The following PCTP variants were observed in gnomAD, a reference collection of about 807,000 sequenced individuals.
PCTP encodes START domain-containing protein 2.
In PCTP, 27 loss-of-function variants were observed where a neutral mutation model predicts 31.0. That is an observed-to-expected ratio of 0.87 (90% CI 0.64 to 1.20). The LOEUF is 1.20. PCTP is among the 50% of genes most tolerant of loss of function. PCTP has a pLI of 0.00. For missense variants in PCTP, 287 were observed against 268.2 expected (o/e 1.07, Z -0.49); for synonymous variants, 108 against 101.2 (o/e 1.07, Z -0.40).
downstream of PCTP, among the ~76,000 whole-genome samples, chr17:55,780,054 C>CT (rs1292638818): frequency 6.7e-6 from 1 of 150,014 alleles, no homozygotes; most frequent in African/African-American, 2.5e-5. Flanking sequence ...CCCCAAGTTC[C>CT]TTTTTTTTAT....
chr17:55,769,198 A>T (rs1910848895), intron 2 of PCTP: 1 of 152,250 alleles, frequency 6.6e-6, no homozygotes, highest in Non-Finnish European at 1.5e-5. Flanking sequence ...AGGAAGGAGA[A>T]TTCTACTTTT....
At chr17:55,797,054 C>G (rs992113929) in intron 3 of PCTP, among the ~76,000 whole-genome samples, 1 of 151,792 alleles carries the variant, frequency 6.6e-6, no homozygotes, top group Non-Finnish European at 1.5e-5. Flanking sequence ...AAAGGAAGAT[C>G]CATGCAGATG....
At chr17:55,806,176 A>G (rs1912575370) in intron 3 of PCTP, among the ~76,000 whole-genome samples, 1 of 152,178 alleles carries the variant, frequency 6.6e-6, no homozygotes, top group South Asian at 2.1e-4. Context: ...AAAAACAGAA[A>G]GAGAGGGGAT....
chr17:55,788,302 C>T (rs1056421170), intron 3 of PCTP, among the ~76,000 whole-genome samples: 2 of 152,182 alleles, frequency 1.3e-5, no homozygotes, highest in African/African-American at 2.4e-5. Context: ...CTTTAACAAA[C>T]TGACAAGCCT....
intron 3 of PCTP, among the ~76,000 whole-genome samples, chr17:55,807,705 G>A (rs947546366): frequency 7.9e-5 from 12 of 152,086 alleles, no homozygotes; most frequent in Admixed American, 3.3e-4. Context: ...TCTGAAGATT[G>A]GTGAAATATG....
chr17:55,794,381 G>A (rs958850693), intron 3 of PCTP, among the ~76,000 whole-genome samples: 1 of 151,520 alleles, frequency 6.6e-6, no homozygotes, highest in Admixed American at 6.6e-5. Context: ...ATTTTTAGCT[G>A]CTACATTTCA....
intron 5 of PCTP, among the ~76,000 whole-genome samples, chr17:55,829,339 C>A (rs1905518164): frequency 6.6e-6 from 1 of 152,066 alleles, no homozygotes; most frequent in Non-Finnish European, 1.5e-5. Context: ...GAGGTGGAGC[C>A]TTGCTCTGTC....
At chr17:55,800,275 T>G (rs1471511663) in intron 3 of PCTP, among the ~76,000 whole-genome samples, 1 of 152,038 alleles carries the variant, frequency 6.6e-6, no homozygotes, top group African/African-American at 2.4e-5. Context: ...TTTGTTCCTT[T>G]TCATTCTTTT....
intron 3 of PCTP, among the ~76,000 whole-genome samples, chr17:55,796,700 G>C (rs1255332820): frequency 6.6e-6 from 1 of 151,934 alleles, no homozygotes; most frequent in African/African-American, 2.4e-5. Context: ...CATATGACTT[G>C]ATGAATTATG....
intron 3 of PCTP, among the ~76,000 whole-genome samples, chr17:55,806,817 A>G (rs1238603058): frequency 6.6e-6 from 1 of 152,126 alleles, no homozygotes; most frequent in African/African-American, 2.4e-5. Flanking sequence ...CATATATATT[A>G]CAGAACAGGA....
At chr17:55,761,635 A>G (rs1863612) in intron 1 of PCTP, among the ~76,000 whole-genome samples, 92,752 of 147,858 alleles carry the variant, frequency 0.63, 34,690 homozygotes, top group East Asian at 0.87. Context: ...ATATATATTT[A>G]TATATATTTT....
chr17:55,813,210 C>T (rs1321170780), intron 3 of PCTP, among the ~76,000 whole-genome samples: 1 of 152,162 alleles, frequency 6.6e-6, no homozygotes, highest in African/African-American at 2.4e-5. Flanking sequence ...TTTTCCTTTC[C>T]TCTCTTATTT....
intron 1 of PCTP, among the ~76,000 whole-genome samples, chr17:55,754,579 G>A (rs1393858866): frequency 6.6e-6 from 1 of 152,164 alleles, no homozygotes; most frequent in Non-Finnish European, 1.5e-5. Flanking sequence ...ATGGACAACA[G>A]TGTTGAAATA....
intron 3 of PCTP, among the ~76,000 whole-genome samples, chr17:55,814,317 A>T (rs1225503945): frequency 6.6e-6 from 1 of 152,236 alleles, no homozygotes; most frequent in Non-Finnish European, 1.5e-5. Flanking sequence ...AACAGAAGAA[A>T]AAAAGATCAA....
At chr17:55,824,809 A>T (rs1376289430), downstream of PCTP, among the ~76,000 whole-genome samples, 3 of 152,210 alleles carry the variant, frequency 2.0e-5, no homozygotes, top group South Asian at 6.2e-4. Context: ...TAGGATCCAT[A>T]GCCACAGATT....
intron 1 of PCTP, among the ~76,000 whole-genome samples, chr17:55,760,153 T>C (rs1197811139): frequency 6.6e-6 from 1 of 152,184 alleles, no homozygotes; most frequent in Non-Finnish European, 1.5e-5. Flanking sequence ...ATTTCTTCAC[T>C]TATAAAGTGG....
intron 1 of PCTP, among the ~76,000 whole-genome samples, chr17:55,751,863 C>T (rs773971818): frequency 2.0e-5 from 3 of 152,180 alleles, no homozygotes; most frequent in Non-Finnish European, 2.9e-5. Flanking sequence ...AATCAGGTAG[C>T]CATCCAGGTG....
chr17:55,792,928 G>A (rs1912053933), intron 3 of PCTP, among the ~76,000 whole-genome samples: 1 of 152,028 alleles, frequency 6.6e-6, no homozygotes, highest in Admixed American at 6.6e-5. Flanking sequence ...TTGCACCAAG[G>A]GTATGGATGA....
intron 3 of PCTP, among the ~76,000 whole-genome samples, chr17:55,795,455 G>T (rs1178452267): frequency 6.6e-6 from 1 of 152,016 alleles, no homozygotes; most frequent in Non-Finnish European, 1.5e-5. Flanking sequence ...GAGAACCATC[G>T]TCTGCCTTTC....
Sources: gnomAD v4.1 joint callset for allele counts (sites outside exome capture counted in the v4.1 genomes callset) on GRCh38, gnomAD v4.1.1 for gene constraint, MANE v1.5 for transcripts, NCBI Gene and HGNC (gene_info 2026-07-23, HGNC 2026-07-21) for gene names.